Variants in NAV1 observed in about 807,000 individuals in gnomAD.
NAV1 encodes the protein neuron navigator 1.
A neutral mutation model predicts 175.2 loss-of-function variants in NAV1; 18 were observed. The ratio of observed to expected loss-of-function variants is 0.10; its 90% confidence interval spans 0.07 to 0.15. The LOEUF is 0.15. Among genes scored for constraint, NAV1 ranks in the 10% least tolerant of loss-of-function variants. The pLI is 1.00. For synonymous variants in NAV1, 897 were observed against 978.7 expected (o/e 0.92, Z 1.56); for missense variants, 1,731 against 2,436.6 (o/e 0.71, Z 6.10).
intron 3 of NAV1, among the ~76,000 whole-genome samples, chr1:201,771,622 C>T (rs532396595): frequency 1.2e-4 from 19 of 152,128 alleles, no homozygotes; most frequent in African/African-American, 4.3e-4. Flanking sequence ...AGGGACATGT[C>T]CTTTTCTGGA....
At chr1:201,755,272 CT>C (rs541439766) in intron 3 of NAV1, among the ~76,000 whole-genome samples, 26 of 152,102 alleles carry the variant, frequency 1.7e-4, no homozygotes, top group Non-Finnish European at 3.4e-4. Flanking sequence ...GAGGCCCCCC[CT>C]CTACAAAAAA....
chr1:201,808,444 C>T lies in NAV1; in HGVS notation c.3872C>T (p.Thr1291Ile). The change falls in exon 19 of 30, where the codon ACT becomes ATT. Residue 1291 changes from threonine (T) to isoleucine (I), a missense_variant. Thr to Ile is a moderately conservative substitution (Grantham distance 89, BLOSUM62 -1). This residue lies in a region of NAV1 where 146 missense variants were observed against 176.8 expected (regional missense o/e 0.83). Coordinates refer to ENST00000367296, the Ensembl canonical transcript of NAV1. The surrounding 1 kb of genome is among the most constrained non-coding windows in gnomAD (Gnocchi z 5.5). Reference sequence around the variant, plus strand: ...GGCCCTGCTCACCCAGCCCCCCACACTAGGCTGTTCCATGCAAATGAGGAG... The same window carrying T: ...GGCCCTGCTCACCCAGCCCCCCACATTAGGCTGTTCCATGCAAATGAGGAG... The T allele has an allele frequency of 6.2e-7, 1 of 1,613,960 alleles. No individual in the cohort carries two copies. Among genetic ancestry groups the T allele is most frequent in the Non-Finnish European group, 8.5e-7 (1 of 1,179,890 alleles).
At chr1:201,790,874 C>T (rs952052449) in intron 13 of NAV1, 108 bp downstream of exon 17, 11 of 1,014,032 alleles carry the variant, frequency 1.1e-5, no homozygotes, top group South Asian at 5.6e-5. Context: ...TGGACTGAGA[C>T]GTCAAGGGCA....
intron 1 of NAV1, among the ~76,000 whole-genome samples, chr1:201,584,322 A>G (rs546240921): frequency 6.6e-6 from 1 of 152,330 alleles, no homozygotes; most frequent in South Asian, 2.1e-4. Flanking sequence ...AGAGCTGCAT[A>G]TAGAGGGGGA....
intron 1 of NAV1, among the ~76,000 whole-genome samples, chr1:201,584,601 A>G (rs1325578448): frequency 2.0e-5 from 3 of 152,200 alleles, no homozygotes; most frequent in African/African-American, 2.4e-5. Flanking sequence ...AGCTGGTTCC[A>G]GCTTGTGATG....
intron 1 of NAV1, among the ~76,000 whole-genome samples, chr1:201,580,933 G>A (rs913028969): frequency 5.9e-5 from 9 of 152,122 alleles, no homozygotes; most frequent in Admixed American, 4.6e-4. Flanking sequence ...TGGACACGAT[G>A]GTAAAGGGCA....
At chr1:201,818,870 A>G (rs1158819399) in intron 29 of NAV1, among the ~76,000 whole-genome samples, 4 of 152,238 alleles carry the variant, frequency 2.6e-5, no homozygotes, top group African/African-American at 7.2e-5. Flanking sequence ...TTTGTTAAAA[A>G]CAGATGCTAT....
intron 1 of NAV1, among the ~76,000 whole-genome samples, chr1:201,576,201 T>C (rs992515370): frequency 2.0e-5 from 3 of 152,232 alleles, no homozygotes; most frequent in Non-Finnish European, 4.4e-5. Flanking sequence ...CAACTACTAA[T>C]ATGTTTGCCA....
intron 1 of NAV1, among the ~76,000 whole-genome samples, chr1:201,562,113 T>G (rs1666218353): frequency 6.6e-6 from 1 of 151,766 alleles, no homozygotes; most frequent in Non-Finnish European, 1.5e-5. Flanking sequence ...CAGGCGGTTC[T>G]CCCACCTTAG....
intron 2 of NAV1, among the ~76,000 whole-genome samples, chr1:201,593,108 A>G (rs918012805): frequency 1.3e-5 from 2 of 152,098 alleles, no homozygotes; most frequent in Non-Finnish European, 2.9e-5. Context: ...GGAAGTTTTG[A>G]TATCTGGGGC....
intron 3 of NAV1, among the ~76,000 whole-genome samples, chr1:201,771,905 T>C (rs559753562): frequency 1.3e-5 from 2 of 152,320 alleles, no homozygotes; most frequent in South Asian, 2.1e-4. Context: ...TGTTAATAAA[T>C]TCCCCCAACC....
At chr1:201,670,543 CAGTGAT>C (rs1403505716) in intron 1 of NAV1, among the ~76,000 whole-genome samples, 3 of 151,060 alleles carry the variant, frequency 2.0e-5, no homozygotes, top group African/African-American at 7.4e-5. Flanking sequence ...GTGATGGTGG[CAGTGAT>C]GGTGATGGTG....
chr1:201,817,568 A>T (rs1379757621), intron 29 of NAV1, among the ~76,000 whole-genome samples: 1 of 152,226 alleles, frequency 6.6e-6, no homozygotes, highest in Non-Finnish European at 1.5e-5. Flanking sequence ...GACCAGGCTA[A>T]GGCCAGTGAG....
chr1:201,705,163 C>T lies in NAV1; in HGVS notation c.758-7654C>T, dbSNP rs549316919. Among the ~76,000 whole-genome samples, 5 of 152,240 alleles carry T rather than the reference C, an allele frequency of 3.3e-5. No individual in the cohort carries two copies. In the South Asian group the frequency reaches 1.0e-3, roughly 32 times the overall value. On this transcript the variant is annotated intron_variant, in intron 1 of 29. Coordinates refer to ENST00000367296, the Ensembl canonical transcript of NAV1. ...TGTCCACCCGGCATGCCCTGCTTTA[C>T]GATTCCTCTTAGCCCAGTGCCCAGT...
intron 28 of NAV1, chr1:201,816,865 G>C (rs1679069010): frequency 1.8e-6 from 1 of 543,634 alleles, no homozygotes; most frequent in Non-Finnish European, 3.3e-6. Flanking sequence ...GTAGAAACAG[G>C]GTTTCACCAC....
At position 201,810,170 on chromosome 1, in the gene NAV1, TC is replaced by T; in HGVS notation, c.4561+67del. On this transcript the variant is annotated intron_variant, in intron 23 of 29. Coordinates refer to ENST00000367296, the Ensembl canonical transcript of NAV1. The surrounding 1 kb of genome is among the most constrained non-coding windows in gnomAD (Gnocchi z 6.0). ...AGGCAGGGACAGGATCATCAAATAA[TC>T]CATCATGCATTCATTCACCAAGAAC... is the stretch of plus-strand genomic sequence containing the variant. The T allele has an allele frequency of 6.3e-7, 1 of 1,576,304 alleles. No homozygotes were observed. The highest frequency in any genetic ancestry group is 2.3e-5 in the East Asian group (1 of 44,400).
At chr1:201,598,985 TG>T (rs1487959825) in intron 2 of NAV1, among the ~76,000 whole-genome samples, 2 of 152,188 alleles carry the variant, frequency 1.3e-5, no homozygotes, top group Non-Finnish European at 2.9e-5. Flanking sequence ...AGGAGCTGCC[TG>T]TCATTCAGAA....
At chr1:201,757,335 C>T (rs564437663) in intron 3 of NAV1, among the ~76,000 whole-genome samples, 1 of 152,162 alleles carries the variant, frequency 6.6e-6, no homozygotes, top group East Asian at 1.9e-4. Flanking sequence ...ATCCATAAAT[C>T]ATAGCTCACT....
At chr1:201,598,259 G>A (rs1190998627) in intron 2 of NAV1, among the ~76,000 whole-genome samples, 1 of 152,204 alleles carries the variant, frequency 6.6e-6, no homozygotes, top group East Asian at 1.9e-4. Flanking sequence ...TTGAAACCTC[G>A]TGGTGTGTGG....
Sources: allele counts gnomAD v4.1 joint callset (sites outside exome capture counted in the v4.1 genomes callset), GRCh38; gene constraint gnomAD v4.1.1; regional missense constraint gnomAD v4.1.1; non-coding constraint Gnocchi (gnomAD v3.1); transcripts MANE v1.5; gene names NCBI Gene and HGNC (gene_info 2026-07-23, HGNC 2026-07-21).